The following LTBP1 variants were observed in gnomAD, a reference collection of about 807,000 sequenced individuals.
LTBP1 encodes latent-transforming growth factor beta-binding protein 1.
In LTBP1, 129 loss-of-function variants were observed where a neutral mutation model predicts 207.6. The observed-to-expected ratio is 0.62, with a 90% CI of 0.54 to 0.72. The LOEUF is 0.72. Ranked by LOEUF, LTBP1 falls within the 30% of genes least tolerant of loss-of-function variation. The probability of loss-of-function intolerance (pLI) is 0.00; values close to 1 mark genes in which losing one functional copy is unlikely to be tolerated. For missense variants in LTBP1, 2,281 were observed against 2,217.2 expected, an observed-to-expected ratio of 1.03 and a Z score of -0.58; for synonymous variants, 963 against 833.7, an observed-to-expected ratio of 1.16 and a Z score of -2.67.
intron 19 of LTBP1, among the ~76,000 whole-genome samples, chr2:33,291,287 A>G (rs185101968): frequency 9.0e-4 from 137 of 152,348 alleles, no homozygotes; most frequent in Non-Finnish European, 1.5e-3. Flanking sequence ...ACCTAGAGAA[A>G]GTATGGTCTT....
At chr2:33,083,936 A>G (rs1441148166) in intron 3 of LTBP1, among the ~76,000 whole-genome samples, 1 of 152,138 alleles carries the variant, frequency 6.6e-6, no homozygotes, top group Non-Finnish European at 1.5e-5. Context: ...GACATTGGAT[A>G]CTCTGAAAGA....
chr2:33,142,763 C>T (rs1054590857), intron 5 of LTBP1, among the ~76,000 whole-genome samples: 2 of 152,146 alleles, frequency 1.3e-5, no homozygotes, highest in African/African-American at 4.8e-5. Context: ...GAGAAAGGCA[C>T]ATGTGATAGA....
At chr2:33,070,581 CA>C (rs1164447402) in intron 3 of LTBP1, among the ~76,000 whole-genome samples, 1 of 152,228 alleles carries the variant, frequency 6.6e-6, no homozygotes, top group Non-Finnish European at 1.5e-5. Flanking sequence ...TGCCAGCCCA[CA>C]TTGGAAACTT....
In LTBP1 at chr2:33,334,107, T is replaced by C. The variant is rs191499196; in HGVS notation, c.3731-8731T>C. On this transcript the variant is annotated intron_variant, in intron 24 of 33. Coordinates refer to ENST00000404816, the MANE Select transcript of LTBP1 (RefSeq NM_206943.4). ...TTTACAAAATGGTGACCTTATCAGG[T>C]GCTGTTTCAGTGGAATCTTGAATTC... Among the ~76,000 whole-genome samples, 106 of 152,328 alleles carry C rather than the reference T, an allele frequency of 7.0e-4. 1 individual carries two copies. The highest frequency in any genetic ancestry group is 4.0e-3 in the Admixed American group (61 of 15,302).
At chr2:33,168,018 GATA>G (rs1244190529) in intron 5 of LTBP1, among the ~76,000 whole-genome samples, 2 of 152,116 alleles carry the variant, frequency 1.3e-5, no homozygotes, top group Non-Finnish European at 2.9e-5. Flanking sequence ...CGAAGTTTAT[GATA>G]ATATCTAAAA....
At position 33,342,910 on chromosome 2, in the gene LTBP1, G is replaced by A. The variant is rs371235125; in HGVS notation, c.3803G>A (p.Arg1268His). 83 of 1,613,882 alleles carry A rather than the reference G, an allele frequency of 5.1e-5. No individual in the cohort carries two copies. The East Asian group carries it at 1.3e-3, about 26-fold the overall frequency. ...TGTGACAATACAGCTGGCTCCTTCC[G>A]CTGCCTCTGTTATCAGGGCTTTCAA... ...GFCDNTAGSF[R>H]CLCYQGFQAP... Residue 1268 changes from arginine to histidine, a missense_variant, in exon 25 of 34, where the codon CGC becomes CAC. Physicochemically the swap from Arg to His is conservative, Grantham distance 29. Coordinates refer to ENST00000404816, the MANE Select transcript of LTBP1 (RefSeq NM_206943.4).
chr2:33,100,276 A>G (rs2079642517), intron 3 of LTBP1, among the ~76,000 whole-genome samples: 1 of 152,154 alleles, frequency 6.6e-6, no homozygotes, highest in South Asian at 2.1e-4. Context: ...TGAAGTTGAT[A>G]ACATGTGGGA....
chr2:33,358,691 A>G (rs530213324), intron 26 of LTBP1, among the ~76,000 whole-genome samples: 2 of 152,244 alleles, frequency 1.3e-5, no homozygotes, highest in Admixed American at 6.5e-5. Context: ...TGTATTTCTC[A>G]CTATTATTTA....
chr2:33,079,953 C>G (rs554094436), intron 3 of LTBP1, among the ~76,000 whole-genome samples: 4 of 150,738 alleles, frequency 2.7e-5, no homozygotes, highest in African/African-American at 4.9e-5. Flanking sequence ...AAAACTTTAA[C>G]TATGACTAGC....
At chr2:33,348,684 A>C (rs1462030717) in intron 26 of LTBP1, among the ~76,000 whole-genome samples, 1 of 152,196 alleles carries the variant, frequency 6.6e-6, no homozygotes, top group Non-Finnish European at 1.5e-5. Context: ...TTCATATATC[A>C]TAATATATAG....
intron 9 of LTBP1, among the ~76,000 whole-genome samples, chr2:33,238,871 C>T (rs1178317933): frequency 6.6e-6 from 1 of 152,168 alleles, no homozygotes; most frequent in Non-Finnish European, 1.5e-5. Context: ...CTCACTTCAT[C>T]GTCACCTTAT....
chr2:33,136,514 G>A (rs2082157409), intron 5 of LTBP1, among the ~76,000 whole-genome samples: 1 of 151,742 alleles, frequency 6.6e-6, no homozygotes, highest in Admixed American at 6.6e-5. Context: ...TTTTTTGGAG[G>A]GCCACAGACA....
At chr2:32,953,214 A>G (rs935410537) in intron 2 of LTBP1, among the ~76,000 whole-genome samples, 1 of 152,214 alleles carries the variant, frequency 6.6e-6, no homozygotes, top group African/African-American at 2.4e-5. Flanking sequence ...TCAGAGATGC[A>G]GTGGTGGATG....
intron 5 of LTBP1, among the ~76,000 whole-genome samples, chr2:33,158,827 A>G (rs2084219048): frequency 6.6e-6 from 1 of 152,166 alleles, no homozygotes; most frequent in African/African-American, 2.4e-5. Context: ...CCGATCCTTT[A>G]AATAGATAGC....
chr2:33,113,853 G>A (rs1210472819), intron 4 of LTBP1, among the ~76,000 whole-genome samples: 1 of 152,116 alleles, frequency 6.6e-6, no homozygotes, highest in Non-Finnish European at 1.5e-5. Context: ...ATGGACATTT[G>A]GGGTTGTTCC....
At chr2:33,043,810 C>T (rs150216131) in intron 3 of LTBP1, among the ~76,000 whole-genome samples, 100 of 152,108 alleles carry the variant, frequency 6.6e-4, no homozygotes, top group African/African-American at 2.3e-3. Context: ...CGGTGGAGGA[C>T]CAGGCATAGA....
rs576575551 is a variant in LTBP1 at position 33,031,073 on chromosome 2, C to CA, written c.863+9873dup. Among the ~76,000 whole-genome samples the CA allele has an allele frequency of 1.1e-3, 174 of 151,974 alleles. 6 individuals are homozygous for CA. The South Asian group carries it at 0.035, about 31-fold the overall frequency. On this transcript the variant is annotated intron_variant, in intron 3 of 33. Coordinates refer to ENST00000404816, the MANE Select transcript of LTBP1 (RefSeq NM_206943.4). ...TTCTCCAAGGGAAGGTACTTTTATG[C>CA]AAAAAATATTATTAGTACTCTGGTT... is the stretch of plus-strand genomic sequence containing the variant.
chr2:33,325,726 A>C (rs951075553), intron 24 of LTBP1, among the ~76,000 whole-genome samples: 2 of 152,232 alleles, frequency 1.3e-5, no homozygotes, highest in African/African-American at 4.8e-5. Context: ...TTTTCCCTTA[A>C]TACCTAAAGA....
chr2:33,190,812 C>A (rs1260717782), intron 7 of LTBP1, among the ~76,000 whole-genome samples: 4 of 151,832 alleles, frequency 2.6e-5, no homozygotes. Context: ...AAACACAGCC[C>A]TCATTGGCCT....
Sources: gnomAD v4.1 joint callset for allele counts (sites outside exome capture counted in the v4.1 genomes callset) on GRCh38, gnomAD v4.1.1 for gene constraint, MANE v1.5 for transcripts, NCBI Gene and HGNC (gene_info 2026-07-23, HGNC 2026-07-21) for gene names.